Variants in SLCO3A1 observed in about 807,000 individuals in gnomAD.
The protein encoded by SLCO3A1 is PGE1 transporter.
In SLCO3A1, 27 loss-of-function variants were observed where a neutral mutation model predicts 63.1. That is an observed-to-expected ratio of 0.43 (90% CI 0.32 to 0.59). The LOEUF is 0.59. Among genes scored for constraint, SLCO3A1 ranks in the 20% least tolerant of loss-of-function variants. The pLI is 0.09. For synonymous variants in SLCO3A1, 473 were observed against 409.9 expected (o/e 1.15, Z -1.86); for missense variants, 773 against 945.8 (o/e 0.82, Z 2.40).
chr15:92,131,364 CTTTTTTTTTTTTTT>C (rs1176368440), intron 7 of SLCO3A1, among the ~76,000 whole-genome samples: 2 of 127,134 alleles, frequency 1.6e-5, no homozygotes, highest in East Asian at 4.2e-4. Flanking sequence ...CCTCCCACCT[CTTTTTTTTTTTTTT>C]TTTTGAGACA....
intron 1 of SLCO3A1, among the ~76,000 whole-genome samples, chr15:91,871,172 C>G (rs1017237195): frequency 2.6e-5 from 4 of 152,040 alleles, no homozygotes; most frequent in Non-Finnish European, 2.9e-5. Context: ...TTCTTGCTAC[C>G]AAGCTGAAGT....
intron 1 of SLCO3A1, among the ~76,000 whole-genome samples, chr15:91,903,251 G>C (rs1898205409): frequency 6.6e-6 from 1 of 152,184 alleles, no homozygotes. Context: ...AGATGGCCTG[G>C]TGCCTCGTTG....
chr15:92,128,822 A>G (rs1596126517), intron 7 of SLCO3A1, among the ~76,000 whole-genome samples: 2 of 152,292 alleles, frequency 1.3e-5, no homozygotes, highest in East Asian at 3.9e-4. Flanking sequence ...CCATCACCAG[A>G]AGTATGTCAA....
At chr15:91,921,943 C>T (rs914034601) in intron 2 of SLCO3A1, among the ~76,000 whole-genome samples, 1 of 151,886 alleles carries the variant, frequency 6.6e-6, no homozygotes, top group Non-Finnish European at 1.5e-5. Context: ...TCATGTTGTC[C>T]AGGCTGCTCT....
At chr15:92,047,130 C>T (rs182551406) in intron 2 of SLCO3A1, among the ~76,000 whole-genome samples, 390 of 3,940 alleles carry the variant, frequency 0.099, 84 homozygotes, top group Middle Eastern at 0.17. Flanking sequence ...AATATATATA[C>T]AAATATATAT....
intron 2 of SLCO3A1, among the ~76,000 whole-genome samples, chr15:92,086,982 CAAA>C (rs35886694): frequency 8.2e-5 from 11 of 133,856 alleles, no homozygotes; most frequent in Admixed American, 1.5e-4. Flanking sequence ...AACTCCGTCT[CAAA>C]AAAAAAAAAA....
intron 2 of SLCO3A1, among the ~76,000 whole-genome samples, chr15:91,917,407 C>T (rs192463069): frequency 2.0e-5 from 3 of 152,286 alleles, no homozygotes; most frequent in East Asian, 1.9e-4. Flanking sequence ...ATAAAGGTTC[C>T]TATCTGCCAG....
chr15:91,889,406 A>G (rs1168953912), intron 1 of SLCO3A1, among the ~76,000 whole-genome samples: 1 of 152,204 alleles, frequency 6.6e-6, no homozygotes, highest in African/African-American at 2.4e-5. Flanking sequence ...CTCTTCTTAC[A>G]TCCCAGGGGT....
intron 2 of SLCO3A1, among the ~76,000 whole-genome samples, chr15:91,972,663 T>C (rs1900922296): frequency 6.6e-6 from 1 of 152,116 alleles, no homozygotes; most frequent in African/African-American, 2.4e-5. Context: ...TTCAGTACGG[T>C]GGATTTATTA....
At position 91,883,122 on chromosome 15, in the gene SLCO3A1, C is replaced by T. The variant is rs1190708121; in HGVS notation, c.180+29034C>T. Among the ~76,000 whole-genome samples the T allele has an allele frequency of 6.6e-6, 1 of 152,212 alleles. No homozygotes were observed. Among genetic ancestry groups the T allele is most frequent in the Non-Finnish European group, 1.5e-5 (1 of 68,036 alleles). ...CAGATTCCAGTCCTCTCTGTCAGCT[C>T]CTCTTAATCTCCATGTTACTCAGAT... On this transcript the variant is annotated intron_variant, in intron 1 of 9. Transcript: ENST00000318445. This position sits in a 1 kb window ranked among gnomAD's most constrained non-coding sequence, Gnocchi z 4.8.
chr15:91,920,669 A>G (rs1047744053), intron 2 of SLCO3A1, among the ~76,000 whole-genome samples: 3 of 152,120 alleles, frequency 2.0e-5, no homozygotes, highest in African/African-American at 7.2e-5. Context: ...CATGCCATTC[A>G]TTCTGTTTTT....
intron 2 of SLCO3A1, among the ~76,000 whole-genome samples, chr15:91,991,837 A>T (rs951223031): frequency 6.6e-6 from 1 of 152,254 alleles, no homozygotes; most frequent in Non-Finnish European, 1.5e-5. Context: ...TTACATGCAC[A>T]TATAATGAAG....
At chr15:91,977,258 TC>T (rs1188147573) in intron 2 of SLCO3A1, among the ~76,000 whole-genome samples, 1 of 152,168 alleles carries the variant, frequency 6.6e-6, no homozygotes, top group Non-Finnish European at 1.5e-5. Context: ...GCACTGGTCT[TC>T]CCTACATTAT....
intron 2 of SLCO3A1, among the ~76,000 whole-genome samples, chr15:92,062,494 G>A (rs754246641): frequency 2.0e-5 from 3 of 152,170 alleles, no homozygotes; most frequent in Non-Finnish European, 4.4e-5. Flanking sequence ...TGAGTTTTGA[G>A]GAGGGGGTTC....
chr15:92,128,438 G>T lies in SLCO3A1; in HGVS notation c.1461G>T (p.Gly487=), dbSNP rs774718294. 25 of 1,613,980 alleles carry T rather than the reference G, an allele frequency of 1.5e-5. No homozygotes were observed. The highest frequency in any genetic ancestry group is 1.9e-5 in the Non-Finnish European group (23 of 1,179,994). Residue 487 remains glycine (G), a synonymous_variant, in exon 7 of 10, where the codon GGG becomes GGT. Transcript: ENST00000318445. ...CQTDSFTPVC[G]ADGITYLSAC... is the part of the protein sequence containing the mutation. ...CCGATTCCTTCACTCCAGTGTGTGG[G>T]GCAGATGGCATCACCTACCTGTCTG...
intron 8 of SLCO3A1, chr15:92,149,557 G>C (rs753435065): frequency 6.6e-6 from 1 of 152,250 alleles, no homozygotes; most frequent in Non-Finnish European, 1.5e-5. Flanking sequence ...GCTGGGCTCC[G>C]AGAGAAATTA....
intron 3 of SLCO3A1, among the ~76,000 whole-genome samples, chr15:92,102,779 A>T (rs1050494087): frequency 2.6e-5 from 4 of 152,160 alleles, no homozygotes; most frequent in Non-Finnish European, 5.9e-5. Flanking sequence ...GCAGGAATTG[A>T]TCATTCACCT....
intron 4 of SLCO3A1, among the ~76,000 whole-genome samples, chr15:92,109,450 A>C (rs1026129434): frequency 6.6e-6 from 1 of 152,180 alleles, no homozygotes. Context: ...CTGCAGCCTA[A>C]AAGGAAGGGG....
chr15:92,142,507 G>A (rs148862365), intron 7 of SLCO3A1, among the ~76,000 whole-genome samples: 42 of 152,242 alleles, frequency 2.8e-4, no homozygotes, highest in African/African-American at 9.1e-4. Context: ...CTCTACCCTC[G>A]TGACCTAATC....
Sources: allele counts gnomAD v4.1 joint callset (sites outside exome capture counted in the v4.1 genomes callset), GRCh38; gene constraint gnomAD v4.1.1; non-coding constraint Gnocchi (gnomAD v3.1); transcripts MANE v1.5; gene names NCBI Gene and HGNC (gene_info 2026-07-23, HGNC 2026-07-21).